DAP: variants seen among roughly 807,000 people sequenced by gnomAD.
DAP encodes death-associated protein 1.
Under a neutral mutation model 13.8 loss-of-function variants are expected in DAP, and 8 were observed. The ratio of observed to expected loss-of-function variants is 0.58; its 90% confidence interval spans 0.34 to 1.05. The LOEUF (loss-of-function observed/expected upper bound fraction) is 1.05, where lower values mean the gene tolerates loss of function less well. Ranked by LOEUF, DAP falls within the 50% of genes least tolerant of loss-of-function variation. The pLI is 0.03. For synonymous variants in DAP, 47 were observed against 47.5 expected (o/e 0.99, Z 0.04); for missense variants, 106 against 133.2 (o/e 0.80, Z 1.01).
intron 2 of DAP, among the ~76,000 whole-genome samples, chr5:10,716,782 G>A (rs1447656243): frequency 6.6e-6 from 1 of 152,136 alleles, no homozygotes; most frequent in African/African-American, 2.4e-5. Context: ...CCCTTTATAT[G>A]TATGTATCTA....
chr5:10,731,101 G>C (rs1490661402), intron 2 of DAP, among the ~76,000 whole-genome samples: 3 of 64,534 alleles, frequency 4.6e-5, no homozygotes, highest in Admixed American at 4.2e-4. Flanking sequence ...GAGCCCTGGT[G>C]GGGGGAATCT....
intron 2 of DAP, 141 bp downstream of exon 2, chr5:10,748,034 G>T: frequency 1.6e-6 from 1 of 634,478 alleles, no homozygotes; most frequent in East Asian, 2.8e-5. Context: ...CCTCCTCCCT[G>T]ATTAGGAAGG....
chr5:10,761,094 G>C lies in DAP; in HGVS notation c.-26C>G, dbSNP rs1740344780. 1 of 1,196,574 alleles carries C rather than the reference G, an allele frequency of 8.4e-7. No individual in the cohort carries two copies. Among genetic ancestry groups the C allele is most frequent in the Non-Finnish European group, 1.1e-6 (1 of 952,094 alleles). 74.1% of individuals were successfully genotyped at this position (1,196,574 alleles called of 1,614,324 possible). On this transcript the variant is annotated 5_prime_UTR_variant, in exon 1 of 4. Coordinates refer to ENST00000230895, the MANE Select transcript of DAP (RefSeq NM_004394.3). ...GACGCGGCGGGGCTTCCGCGGGGCC[G>C]AGGCGGCGGCGCGGTTCTCGGGCCG...
chr5:10,724,673 T>A (rs1739239642), intron 2 of DAP, among the ~76,000 whole-genome samples: 1 of 152,204 alleles, frequency 6.6e-6, no homozygotes, highest in African/African-American at 2.4e-5. Context: ...TTTCAAAAAG[T>A]CATAACCAGC....
At chr5:10,693,722 G>T (rs1738366653) in intron 2 of DAP, among the ~76,000 whole-genome samples, 1 of 152,234 alleles carries the variant, frequency 6.6e-6, no homozygotes, top group Non-Finnish European at 1.5e-5. Context: ...GTTTTAGCTT[G>T]TCTTCTGTAT....
rs778296787 is a variant in DAP at position 10,680,708 on chromosome 5, C to G, written c.*348G>C. The G allele has an allele frequency of 2.0e-6, 3 of 1,532,472 alleles. No individual in the cohort carries two copies. Among genetic ancestry groups the G allele is most frequent in the Non-Finnish European group, 2.6e-6 (3 of 1,144,088 alleles). The allele number at this position is 1,532,472 out of a possible 1,614,324, so 94.9% of individuals were successfully genotyped here. A position where few individuals can be genotyped will look rare whatever the true frequency, so the allele number is the denominator to read the frequency against. Reference sequence around the variant, plus strand: ...TCTCCTAACCTTAATCTCATCTTCTCAAATGTGTGCCTTCTTGTTTTTAAG... The same window carrying G: ...TCTCCTAACCTTAATCTCATCTTCTGAAATGTGTGCCTTCTTGTTTTTAAG... On this transcript the variant is annotated 3_prime_UTR_variant, in exon 4 of 4. Transcript: ENST00000230895.
chr5:10,736,040 AG>A (rs957348409), intron 2 of DAP, among the ~76,000 whole-genome samples: 1 of 152,302 alleles, frequency 6.6e-6, no homozygotes, highest in East Asian at 1.9e-4. Flanking sequence ...CTTTATAAAA[AG>A]GGGAAGTTTG....
Position 10,695,349 on chromosome 5 carries a change from G to A in DAP, c.153-11778C>T, listed in dbSNP as rs995572147. On this transcript the variant is annotated intron_variant, in intron 2 of 3. Transcript: ENST00000230895. ...GGGCTGCTGGCACCTGGGCACGAGG[G>A]TGCCCCTTCTCCCCAGGAGTGGCTA... Among the ~76,000 whole-genome samples the A allele has an allele frequency of 3.3e-5, 5 of 152,356 alleles. 1 individual carries two copies. The highest frequency in any genetic ancestry group is 1.9e-4 in the East Asian group (1 of 5,186).
At chr5:10,687,308 CTTA>C (rs1447062331) in intron 2 of DAP, among the ~76,000 whole-genome samples, 1 of 152,150 alleles carries the variant, frequency 6.6e-6, no homozygotes, top group Non-Finnish European at 1.5e-5. Context: ...ACTTTCAAGT[CTTA>C]TTATTTAAGA....
chr5:10,696,115 C>A (rs1490707891), intron 2 of DAP, among the ~76,000 whole-genome samples: 7 of 152,196 alleles, frequency 4.6e-5, no homozygotes, highest in South Asian at 2.1e-4. Context: ...TTCCCTCCCC[C>A]TCCTCCTGCT....
chr5:10,686,094 A>G (rs185120891), intron 2 of DAP, among the ~76,000 whole-genome samples: 1 of 152,290 alleles, frequency 6.6e-6, no homozygotes, highest in Admixed American at 6.5e-5. Context: ...GTGGTCATTG[A>G]TCTTTGATGT....
intron 2 of DAP, among the ~76,000 whole-genome samples, chr5:10,715,254 T>C (rs1160446480): frequency 2.0e-5 from 3 of 152,128 alleles, no homozygotes; most frequent in Admixed American, 6.5e-5. Flanking sequence ...GTTTGGTCCT[T>C]GGAAGGATGC....
At chr5:10,727,731 T>C (rs1204353826) in intron 2 of DAP, among the ~76,000 whole-genome samples, 1 of 152,198 alleles carries the variant, frequency 6.6e-6, no homozygotes, top group Admixed American at 6.5e-5. Flanking sequence ...TAAATTGAGA[T>C]ATCCAATCTA....
At chr5:10,724,019 C>A (rs1739222874) in intron 2 of DAP, among the ~76,000 whole-genome samples, 1 of 152,106 alleles carries the variant, frequency 6.6e-6, no homozygotes, top group African/African-American at 2.4e-5. Flanking sequence ...AAAAAGTAAA[C>A]CTGTGGGATG....
rs972914088 is a variant in DAP, at chr5:10,705,607, A to C, written c.153-22036T>G. Among the ~76,000 whole-genome samples the C allele has an allele frequency of 6.6e-5, 10 of 152,220 alleles. 1 individual carries two copies. The South Asian group carries it at 1.9e-3, about 28-fold the overall frequency. The stretch of plus-strand genomic sequence containing the variant: ...TCATGGTGTGTACTATCTGGGCGAA[A>C]CCTGTCAGACAACGGGCATTTTTCA... On this transcript the variant is annotated intron_variant, in intron 2 of 3. Coordinates refer to ENST00000230895, the MANE Select transcript of DAP (RefSeq NM_004394.3).
chr5:10,750,278 G>C (rs1453020850), intron 1 of DAP, among the ~76,000 whole-genome samples: 2 of 152,120 alleles, frequency 1.3e-5, no homozygotes, highest in African/African-American at 4.8e-5. Flanking sequence ...GAGGCAGCCT[G>C]GGGCTTACAT....
intron 2 of DAP, among the ~76,000 whole-genome samples, chr5:10,697,075 A>C (rs774828413): frequency 6.6e-6 from 1 of 152,230 alleles, no homozygotes; most frequent in African/African-American, 2.4e-5. Flanking sequence ...GTTTAACTAC[A>C]TGGCAATGTG....
chr5:10,724,062 T>C (rs1739223735), intron 2 of DAP, among the ~76,000 whole-genome samples: 1 of 152,206 alleles, frequency 6.6e-6, no homozygotes, highest in Non-Finnish European at 1.5e-5. Flanking sequence ...AGGCAATCCA[T>C]TTCCTTGTGC....
intron 2 of DAP, among the ~76,000 whole-genome samples, chr5:10,714,089 G>T (rs5745228): frequency 0.088 from 13,416 of 152,252 alleles, 791 homozygotes; most frequent in African/African-American, 0.17. Flanking sequence ...AATAAAAAAT[G>T]AGAGTAGACA....
Sources: gnomAD v4.1 joint callset for allele counts (sites outside exome capture counted in the v4.1 genomes callset) on GRCh38, gnomAD v4.1.1 for gene constraint, MANE v1.5 for transcripts, NCBI Gene and HGNC (gene_info 2026-07-23, HGNC 2026-07-21) for gene names.